The following ASIC2 variants were observed in gnomAD, a reference collection of about 807,000 sequenced individuals.
ASIC2 encodes the protein acid sensing ion channel subunit 2.
ASIC2 carries 25 observed loss-of-function variants against 57.3 expected under a neutral mutation model. That is an observed-to-expected ratio of 0.44 (90% confidence interval 0.32 to 0.61). ASIC2 has a LOEUF of 0.61. Among genes scored for constraint, ASIC2 ranks in the 20% least tolerant of loss-of-function variants. The probability of loss-of-function intolerance (pLI) is 0.06; values close to 1 mark genes in which losing one functional copy is unlikely to be tolerated. For synonymous variants in ASIC2, 319 were observed against 307.5 expected (o/e 1.04, Z -0.39); for missense variants, 641 against 738.1 (o/e 0.87, Z 1.52).
At chr17:33,112,200 A>G in intron 1 of ASIC2, 133 bp from the exon 2 acceptor site, 1 of 1,189,422 alleles carries the variant, frequency 8.4e-7, no homozygotes, top group East Asian at 2.7e-5. Flanking sequence ...CGCTCTCAGG[A>G]ACCAGTGGTT....
At chr17:33,643,116 C>T (rs1473932512) in intron 1 of ASIC2, among the ~76,000 whole-genome samples, 3 of 151,046 alleles carry the variant, frequency 2.0e-5, no homozygotes, top group East Asian at 2.0e-4. Context: ...TTTATGCATA[C>T]GATGTATTTT....
intron 1 of ASIC2, among the ~76,000 whole-genome samples, chr17:33,458,048 T>TTGCTGAAG (rs71362889): frequency 0.12 from 18,574 of 152,036 alleles, 1,217 homozygotes; most frequent in South Asian, 0.18. Flanking sequence ...ACAGGGGTGA[T>TTGCTGAAG]TGCTGAAGTC....
At chr17:33,260,474 T>G (rs1909239327) in intron 1 of ASIC2, among the ~76,000 whole-genome samples, 1 of 152,194 alleles carries the variant, frequency 6.6e-6, no homozygotes, top group Non-Finnish European at 1.5e-5. Flanking sequence ...AATAGCTTCT[T>G]GAAGGGAAAA....
chr17:33,726,209 G>A (rs899961116), intron 1 of ASIC2, among the ~76,000 whole-genome samples: 2 of 152,106 alleles, frequency 1.3e-5, no homozygotes, highest in African/African-American at 4.8e-5. Context: ...TCGAAACTTA[G>A]AGAGGAAGAG....
chr17:33,302,658 T>C (rs1260634629), intron 1 of ASIC2, among the ~76,000 whole-genome samples: 1 of 152,232 alleles, frequency 6.6e-6, no homozygotes, highest in African/African-American at 2.4e-5. Flanking sequence ...CTTCCTCTGG[T>C]TTCTCTACTC....
At chr17:33,558,150 G>A (rs577648371) in intron 1 of ASIC2, among the ~76,000 whole-genome samples, 4 of 151,712 alleles carry the variant, frequency 2.6e-5, no homozygotes, top group East Asian at 3.9e-4. Flanking sequence ...GTGTGGAGAC[G>A]AGAGAGTGTA....
chr17:33,759,062 G>A (rs540785638), intron 1 of ASIC2, among the ~76,000 whole-genome samples: 1 of 152,288 alleles, frequency 6.6e-6, no homozygotes, highest in East Asian at 1.9e-4. Context: ...TAAAAGACAA[G>A]AAGATAAGGG....
At chr17:33,204,318 C>G (rs1017625026) in intron 1 of ASIC2, among the ~76,000 whole-genome samples, 1 of 152,214 alleles carries the variant, frequency 6.6e-6, no homozygotes, top group African/African-American at 2.4e-5. Context: ...GCAGGCTCAG[C>G]CCATGTCCAG....
At chr17:33,650,265 A>G (rs896375462) in intron 1 of ASIC2, among the ~76,000 whole-genome samples, 3 of 152,210 alleles carry the variant, frequency 2.0e-5, no homozygotes, top group Admixed American at 6.5e-5. Context: ...GAAAATGCAA[A>G]TTAAAACCAC....
intron 1 of ASIC2, among the ~76,000 whole-genome samples, chr17:33,286,555 C>A (rs769598340): frequency 1.3e-5 from 2 of 152,180 alleles, no homozygotes; most frequent in African/African-American, 2.4e-5. Flanking sequence ...GAACTAGGCG[C>A]GGGGCCTAGA....
chr17:33,268,494 A>G (rs2142154108), intron 1 of ASIC2, among the ~76,000 whole-genome samples: 1 of 152,314 alleles, frequency 6.6e-6, no homozygotes, highest in African/African-American at 2.4e-5. Flanking sequence ...CAAAATACAC[A>G]AAGTTAAATG....
chr17:33,777,586 A>C (rs376566066), intron 1 of ASIC2, among the ~76,000 whole-genome samples: 2 of 152,268 alleles, frequency 1.3e-5, no homozygotes, highest in East Asian at 3.9e-4. Flanking sequence ...TCATGTGGGA[A>C]CCTGGTTCTA....
intron 3 of ASIC2, among the ~76,000 whole-genome samples, chr17:33,031,680 G>T (rs898573250): frequency 2.0e-5 from 3 of 152,104 alleles, no homozygotes; most frequent in Non-Finnish European, 4.4e-5. Flanking sequence ...TTACTAATCA[G>T]TTATGAGAGA....
chr17:33,517,411 T>C (rs530406663), intron 1 of ASIC2, among the ~76,000 whole-genome samples: 46 of 152,360 alleles, frequency 3.0e-4, no homozygotes, highest in African/African-American at 1.0e-3. Flanking sequence ...CCATGGCATC[T>C]GGCCTTTTGC....
intron 1 of ASIC2, among the ~76,000 whole-genome samples, chr17:33,464,459 CTTTCTTTCTTTCTTTCTTTTCTCT>C (rs1912745500): frequency 1.4e-5 from 1 of 72,232 alleles, no homozygotes; most frequent in African/African-American, 7.5e-5. Flanking sequence ...CTCTTTTTCT[CTTTCTTTCTTTCTTTCTTTTCTCT>C]CTTTCTTTCT....
At chr17:33,223,485 C>G (rs1428746824) in intron 1 of ASIC2, among the ~76,000 whole-genome samples, 1 of 152,134 alleles carries the variant, frequency 6.6e-6, no homozygotes, top group Non-Finnish European at 1.5e-5. Context: ...GCCCGGCCCC[C>G]CTTTTCTAAT....
intron 1 of ASIC2, among the ~76,000 whole-genome samples, chr17:33,495,163 G>A (rs1913887366): frequency 6.6e-6 from 1 of 152,186 alleles, no homozygotes; most frequent in Non-Finnish European, 1.5e-5. Context: ...TGCAAGTTCT[G>A]CCCCTGAGAG....
At chr17:33,454,072 G>A (rs1912364680) in intron 1 of ASIC2, among the ~76,000 whole-genome samples, 1 of 152,180 alleles carries the variant, frequency 6.6e-6, no homozygotes, top group African/African-American at 2.4e-5. Context: ...AATCTGTGAT[G>A]TGCATTTGCC....
chr17:34,092,639 C>T (rs946519842), intron 1 of ASIC2, among the ~76,000 whole-genome samples: 1 of 152,168 alleles, frequency 6.6e-6, no homozygotes, highest in Non-Finnish European at 1.5e-5. Flanking sequence ...TAGACTCTTC[C>T]TTTCCCAGTC....
Sources: gnomAD v4.1 joint callset for allele counts (sites outside exome capture counted in the v4.1 genomes callset) on GRCh38, gnomAD v4.1.1 for gene constraint, MANE v1.5 for transcripts, NCBI Gene and HGNC (gene_info 2026-07-23, HGNC 2026-07-21) for gene names.